Variants in SLC22A11 observed in about 807,000 individuals in gnomAD.
SLC22A11 encodes the protein solute carrier family 22 member 11, also known as organic anion transporter 4.
SLC22A11 carries 42 observed loss-of-function variants against 49.4 expected under a neutral mutation model. That is an observed-to-expected ratio of 0.85 (90% confidence interval 0.66 to 1.10). SLC22A11 has a LOEUF of 1.10. Among genes scored for constraint, SLC22A11 ranks in the 50% least tolerant of loss-of-function variants. The pLI is 0.00. For synonymous variants in SLC22A11, 304 were observed against 315.8 expected, an observed-to-expected ratio of 0.96 and a Z score of 0.40; for missense variants, 685 against 731.6, an observed-to-expected ratio of 0.94 and a Z score of 0.74.
In SLC22A11 at chr11:64,569,634, C is replaced by T; in HGVS notation, c.1383-18C>T. 4 of 1,609,028 alleles carry T rather than the reference C, an allele frequency of 2.5e-6. No homozygotes were observed. Among genetic ancestry groups the T allele is most frequent in the Non-Finnish European group, 3.4e-6 (4 of 1,176,948 alleles). On this transcript the variant is annotated intron_variant, in intron 8 of 9. Transcript: ENST00000301891. Reference sequence around the variant, plus strand: ...GGCCAGCTGTTACAGGGATCTGGGCCCTCCCCTTCACCCACAGGATGACAG... The same window carrying T: ...GGCCAGCTGTTACAGGGATCTGGGCTCTCCCCTTCACCCACAGGATGACAG...
In SLC22A11 at chr11:64,569,863, G is replaced by A. The variant is rs371275720; in HGVS notation, c.1589+5G>A. On this transcript the variant is annotated splice_donor_5th_base_variant and intron_variant, in intron 9 of 9. Coordinates refer to ENST00000301891, the MANE Select transcript of SLC22A11 (RefSeq NM_018484.4). ...TATCCAGGACCTGGAGAGCCAGTGA[G>A]TGACCTGTGATCCCTGGGCATCGGG... 6.2e-6 allele frequency: 10 copies of A among 1,611,850 alleles called. No homozygotes were observed. Among genetic ancestry groups the A allele is most frequent in the Admixed American group, 1.7e-5 (1 of 60,008 alleles).
At chr11:64,559,781 G>T (rs1000261909) in intron 2 of SLC22A11, among the ~76,000 whole-genome samples, 1 of 152,204 alleles carries the variant, frequency 6.6e-6, no homozygotes, top group Non-Finnish European at 1.5e-5. Flanking sequence ...AGTAAGTCAG[G>T]CCACCTTGGA....
At chr11:64,569,969 C>A in intron 9 of SLC22A11, 111 bp downstream of exon 9, 1 of 918,856 alleles carries the variant, frequency 1.1e-6, no homozygotes, top group Non-Finnish European at 1.6e-6. Context: ...GCCTGTGTTT[C>A]TGAAACCATT....
Position 64,571,123 on chromosome 11 carries a change from AGT to A in SLC22A11, c.*82_*83del. ...CTTCTCCAATCAGAGCGTGGAGGCG[AGT>A]TGGGCGACTTCAAGGGCCTGGCATG... On this transcript the variant is annotated 3_prime_UTR_variant, in exon 10 of 10. Coordinates refer to ENST00000301891, the MANE Select transcript of SLC22A11 (RefSeq NM_018484.4). The A allele has an allele frequency of 2.0e-6, 3 of 1,508,146 alleles. No homozygotes were observed. Among genetic ancestry groups the A allele is most frequent in the Non-Finnish European group, 2.8e-6 (3 of 1,086,848 alleles). The allele number at this position is 1,508,146 out of a possible 1,614,324, so 93.4% of individuals were successfully genotyped here.
At chr11:64,569,615 C>T in intron 8 of SLC22A11, 37 bp from the exon 9 acceptor site, 1 of 1,586,568 alleles carries the variant, frequency 6.3e-7, no homozygotes, top group Non-Finnish European at 8.6e-7. Flanking sequence ...ACAGGGCCAG[C>T]TGTTACAGGG....
intron 1 of SLC22A11, among the ~76,000 whole-genome samples, chr11:64,557,798 A>AC (rs2038484302): frequency 7.5e-6 from 1 of 133,344 alleles, no homozygotes; most frequent in Admixed American, 7.6e-5. Context: ...TGCCCAGCTA[A>AC]TTTTTTTTTT....
chr11:64,563,455 TC>T (rs2038577831), intron 4 of SLC22A11, among the ~76,000 whole-genome samples: 1 of 151,806 alleles, frequency 6.6e-6, no homozygotes, highest in South Asian at 2.1e-4. Context: ...CTTCTTAGCT[TC>T]CCTGCAAACA....
chr11:64,561,502 G>A (rs894389100), intron 2 of SLC22A11, among the ~76,000 whole-genome samples: 8 of 152,160 alleles, frequency 5.3e-5, no homozygotes, highest in African/African-American at 1.7e-4. Flanking sequence ...AGCCTGCAGT[G>A]CAGAGGCGTG....
chr11:64,559,266 C>T, intron 2 of SLC22A11, 28 bp downstream of exon 2: 7 of 1,480,512 alleles, frequency 4.7e-6, no homozygotes, highest in Non-Finnish European at 6.4e-6. Context: ...TCCCAGCCCC[C>T]AGCTCCCTCA....
At chr11:64,561,125 G>T (rs150908603) in intron 2 of SLC22A11, among the ~76,000 whole-genome samples, 1 of 152,204 alleles carries the variant, frequency 6.6e-6, no homozygotes, top group South Asian at 2.1e-4. Flanking sequence ...TGCAATCTCC[G>T]GTTCAGACTC....
At position 64,569,673 on chromosome 11, in the gene SLC22A11, G is replaced by A; in HGVS notation, c.1404G>A (p.Leu468=). ...ACAGGATGACAGCAGATGGCATTCT[G>A]CATACAGTGGGCCGGCTGGGGGCTA... ...TPVRMTADGI[L]HTVGRLGAMM... The change falls in exon 9 of 10, where the codon CTG becomes CTA. Residue 468 remains leucine (L), a synonymous_variant. Coordinates refer to ENST00000301891, the MANE Select transcript of SLC22A11 (RefSeq NM_018484.4). The A allele has an allele frequency of 1.2e-6, 2 of 1,614,092 alleles. No homozygotes were observed. Among genetic ancestry groups the A allele is most frequent in the Non-Finnish European group, 1.7e-6 (2 of 1,180,012 alleles).
chr11:64,571,176 G>C lies in SLC22A11; in HGVS notation c.*134G>C. The C allele has an allele frequency of 1.1e-6, 1 of 889,186 alleles. No individual in the cohort carries two copies. The highest frequency in any genetic ancestry group is 1.8e-6 in the Non-Finnish European group (1 of 559,670). The allele number at this position is 889,186 out of a possible 1,614,324, so 55.1% of individuals were successfully genotyped here. A position where few individuals can be genotyped will look rare whatever the true frequency, so the allele number is the denominator to read the frequency against. On this transcript the variant is annotated 3_prime_UTR_variant, in exon 10 of 10. Transcript: ENST00000301891. ...GCAGAGGCCAGGCAGCCGTGGCCGA[G>C]TGGACAGCGTGGCCGTCTGCTGTGG...
chr11:64,562,210 A>T lies in SLC22A11; in HGVS notation c.652+52A>T. 1.2e-6 allele frequency: 2 copies of T among 1,602,986 alleles called. No individual in the cohort carries two copies. Among genetic ancestry groups the T allele is most frequent in the Middle Eastern group, 1.7e-4 (1 of 6,014 alleles). On this transcript the variant is annotated intron_variant, in intron 3 of 9. Transcript: ENST00000301891. This position sits in a 1 kb window ranked among gnomAD's most constrained non-coding sequence, Gnocchi z 4.4. ...GCCATGGGGGCGGGGGTGGCAGGAG[A>T]GAATGGGGCTCAGGCCGCCGCATGA...
chr11:64,564,386 C>A lies in SLC22A11; in HGVS notation c.900C>A (p.Ala300=), dbSNP rs1049748064. 6.2e-7 allele frequency: 1 copy of A among 1,614,096 alleles called. No homozygotes were observed. The highest frequency in any genetic ancestry group is 8.5e-7 in the Non-Finnish European group (1 of 1,180,012). Residue 300 remains alanine, a synonymous_variant, in exon 5 of 10, where the codon GCC becomes GCA. Coordinates refer to ENST00000301891, the MANE Select transcript of SLC22A11 (RefSeq NM_018484.4). The surrounding 1 kb of genome is among the most constrained non-coding windows in gnomAD (Gnocchi z 4.2). ...CACTTCAGGAGCTCAGAAAGGTGGC[C>A]AGGATAAATGGCCACAAGGAGGCCA... ...DQALQELRKV[A]RINGHKEAKN... is the part of the protein sequence containing the mutation.
intron 1 of SLC22A11, 102 bp from the exon 2 acceptor site, chr11:64,559,033 T>TGGGG (rs1387652927): frequency 1.0e-6 from 1 of 960,570 alleles, no homozygotes; most frequent in Non-Finnish European, 1.7e-6. Flanking sequence ...GACCTGGCAC[T>TGGGG]GGGAGTCCAG....
Position 64,565,071 on chromosome 11 carries a change from C to T in SLC22A11, c.943-151C>T. The T allele has an allele frequency of 1.6e-6, 1 of 621,752 alleles. No individual in the cohort carries two copies. The allele number at this position is 621,752 out of a possible 1,614,324, so 38.5% of individuals were successfully genotyped here. ...TGGAGAGAACCTTTTCTGCCCCATC[C>T]CCTCCCCTTCCCCTAGGGATCCAGC... On this transcript the variant is annotated intron_variant, in intron 5 of 9. Transcript: ENST00000301891. The surrounding 1 kb of genome is among the most constrained non-coding windows in gnomAD (Gnocchi z 4.1).
rs1246415678 is a variant in SLC22A11, at chr11:64,565,537, G to A, written c.1058+200G>A. ...GCAGAGAGGGACTATGCACAGGTGG[G>A]ATCTGGAGGCTGCCATCTGCAGGAA... On this transcript the variant is annotated intron_variant, in intron 6 of 9. Coordinates refer to ENST00000301891, the MANE Select transcript of SLC22A11 (RefSeq NM_018484.4). The surrounding 1 kb of genome is among the most constrained non-coding windows in gnomAD (Gnocchi z 4.1). 4.6e-6 allele frequency: 3 copies of A among 650,530 alleles called. No homozygotes were observed. The highest frequency in any genetic ancestry group is 3.0e-5 in the South Asian group (2 of 66,264). The allele number at this position is 650,530 out of a possible 1,614,324, so 40.3% of individuals were successfully genotyped here. A position where few individuals can be genotyped will look rare whatever the true frequency, so the allele number is the denominator to read the frequency against.
chr11:64,570,253 A>C (rs1344613835), intron 9 of SLC22A11, among the ~76,000 whole-genome samples: 1 of 152,248 alleles, frequency 6.6e-6, no homozygotes, highest in East Asian at 1.9e-4. Context: ...TTTTCCCACA[A>C]AGAATTTCAG....
Position 64,559,153 on chromosome 11 carries a change from T to C in SLC22A11, c.412T>C (p.Ser138Pro). 1.2e-6 allele frequency: 2 copies of C among 1,613,722 alleles called. No homozygotes were observed. Among genetic ancestry groups the C allele is most frequent in the Non-Finnish European group, 1.7e-6 (2 of 1,179,824 alleles). The change falls in exon 2 of 10, where the codon TCC becomes CCC. Residue 138 changes from serine (S) to proline (P), a missense_variant. Transcript: ENST00000301891. ...IVAKWDLVCS[S>P]QGLKPLSQSI... The stretch of plus-strand genomic sequence containing the variant: ...CTTGCAGTGGGACCTGGTGTGCAGC[T>C]CCCAGGGCTTGAAGCCCCTAAGCCA...
Sources: allele counts gnomAD v4.1 joint callset (sites outside exome capture counted in the v4.1 genomes callset), GRCh38; gene constraint gnomAD v4.1.1; non-coding constraint Gnocchi (gnomAD v3.1); transcripts MANE v1.5; gene names NCBI Gene and HGNC (gene_info 2026-07-23, HGNC 2026-07-21).